The following KIR3DL3 variants were observed in gnomAD, a reference collection of about 807,000 sequenced individuals.
The protein encoded by KIR3DL3 is killer cell immunoglobulin like receptor, three Ig domains and long cytoplasmic tail 3, also known as killer cell immunoglobulin-like receptor 3DL3.
A neutral mutation model predicts 34.9 loss-of-function variants in KIR3DL3; 27 were observed. The ratio of observed to expected loss-of-function variants is 0.77; its 90% confidence interval spans 0.57 to 1.07. The LOEUF (loss-of-function observed/expected upper bound fraction) is 1.07, where lower values mean the gene tolerates loss of function less well. Ranked by LOEUF, KIR3DL3 falls within the 50% of genes least tolerant of loss-of-function variation. The pLI is 0.00. For missense variants in KIR3DL3, 681 were observed against 528.5 expected (o/e 1.29, Z -2.83); for synonymous variants, 217 against 200.2 (o/e 1.08, Z -0.71).
At position 54,727,975 on chromosome 19, in the gene KIR3DL3, A is replaced by G. The variant is rs537906244; in HGVS notation, c.655+65A>G. 1,016 of 1,494,120 alleles carry G rather than the reference A, an allele frequency of 6.8e-4. 27 individuals are homozygous for G. The Admixed American group carries it at 0.02, about 29-fold the overall frequency. 92.6% of individuals were successfully genotyped at this position (1,494,120 alleles called of 1,614,324 possible). A position where few individuals can be genotyped will look rare whatever the true frequency, so the allele number is the denominator to read the frequency against. On this transcript the variant is annotated intron_variant, in intron 4 of 7. Coordinates refer to ENST00000291860, the MANE Select transcript of KIR3DL3 (RefSeq NM_153443.5). ...ATGGAGTGAATGATCTAGGACTGGAAGCCCCAGGTGGTCATGAGGAAGATG... is the reference window on the plus strand; with the variant it reads ...ATGGAGTGAATGATCTAGGACTGGAGGCCCCAGGTGGTCATGAGGAAGATG...
chr19:54,735,781 T>C, intron 6 of KIR3DL3, 39 bp from the exon 7 acceptor site: 1 of 1,605,330 alleles, frequency 6.2e-7, no homozygotes, highest in East Asian at 2.2e-5. Context: ...GACCCAGAAG[T>C]GCCCTCCGAG....
intron 4 of KIR3DL3, among the ~76,000 whole-genome samples, chr19:54,728,378 C>T (rs1165168804): frequency 2.7e-5 from 4 of 147,824 alleles, no homozygotes; most frequent in South Asian, 2.2e-4. Flanking sequence ...CTCTGCCTTC[C>T]GTGCAGTGGA....
At position 54,735,350 on chromosome 19, in the gene KIR3DL3, C is replaced by CA; in HGVS notation, c.1052dup (p.Asn352GlufsTer21). 1.6e-4 allele frequency: 217 copies of CA among 1,361,250 alleles called. No homozygotes were observed. Among genetic ancestry groups the CA allele is most frequent in the Non-Finnish European group, 2.1e-4 (199 of 954,238 alleles). The allele number at this position is 1,361,250 out of a possible 1,614,324, so 84.3% of individuals were successfully genotyped here. A position where few individuals can be genotyped will look rare whatever the true frequency, so the allele number is the denominator to read the frequency against. ...TTCTCCTTCATCGCTGGTGTGCCAACAAAAAGAGTAAGTCTCACGAAGCAG... is the reference window on the plus strand; with the variant it reads ...TTCTCCTTCATCGCTGGTGTGCCAACAAAAAAGAGTAAGTCTCACGAAGCAG... On this transcript the variant is annotated frameshift_variant, in exon 6 of 8. Transcript: ENST00000291860. LOFTEE classifies it high-confidence loss of function.
At chr19:54,731,574 G>A (rs1165028417) in intron 5 of KIR3DL3, among the ~76,000 whole-genome samples, 1 of 151,852 alleles carries the variant, frequency 6.6e-6, no homozygotes, top group South Asian at 2.1e-4. Context: ...ATGAAAACAT[G>A]TTTTTCTTAA....
Position 54,726,290 on chromosome 19 carries a change from C to A in KIR3DL3, c.308C>A (p.Pro103His). 6.2e-7 allele frequency: 1 copy of A among 1,613,930 alleles called. No homozygotes were observed. The highest frequency in any genetic ancestry group is 8.5e-7 in the Non-Finnish European group (1 of 1,179,974). The change falls in exon 3 of 8, where the codon CCC becomes CAC. Residue 103 changes from proline to histidine, a missense_variant. By Grantham distance (77) the Pro-to-His change is moderately conservative (BLOSUM62 -2). Coordinates refer to ENST00000291860, the MANE Select transcript of KIR3DL3 (RefSeq NM_153443.5). ...YRCCSSHPHS[P>H]TGWSAPSNPV... ...TGTTGCAGTTCACACCCACACTCCC[C>A]CACTGGGTGGTCGGCACCCAGCAAC...
In KIR3DL3 at chr19:54,726,196, T is replaced by C. The variant is rs1463433953; in HGVS notation, c.214T>C (p.Tyr72His). ...AGACGGGATGCCTGTCCCTGAGCTC[T>C]ACAACAGAATATTCCGGAACAGCTT... ...KEDGMPVPEL[Y>H]NRIFRNSFLM... Residue 72 changes from tyrosine to histidine, a missense_variant, in exon 3 of 8, where the codon TAC becomes CAC. By Grantham distance (83) the Tyr-to-His change is moderately conservative. Transcript: ENST00000291860. 46 of 1,613,594 alleles carry C rather than the reference T, an allele frequency of 2.9e-5. No individual in the cohort carries two copies. The highest frequency in any genetic ancestry group is 3.6e-5 in the Non-Finnish European group (42 of 1,179,894).
At chr19:54,725,317 C>A in intron 2 of KIR3DL3, 35 bp downstream of exon 2, 1 of 1,515,022 alleles carries the variant, frequency 6.6e-7, no homozygotes, top group Non-Finnish European at 8.9e-7. Flanking sequence ...GTTGTCATCT[C>A]CCCACATAAG....
At chr19:54,732,180 C>T (rs2068873006) in intron 5 of KIR3DL3, among the ~76,000 whole-genome samples, 1 of 151,746 alleles carries the variant, frequency 6.6e-6, no homozygotes, top group African/African-American at 2.4e-5. Context: ...ACAAGGGTAC[C>T]AATAAATGAA....
chr19:54,729,372 G>C, intron 4 of KIR3DL3, 121 bp from the exon 5 acceptor site: 1 of 1,139,306 alleles, frequency 8.8e-7, no homozygotes, highest in East Asian at 2.4e-5. Flanking sequence ...TGGGGGTGGA[G>C]GGTGAGAGAG....
At position 54,736,424 on chromosome 19, in the gene KIR3DL3, A is replaced by G. The variant is rs1287332333; in HGVS notation, c.*328A>G. ...CCCACCTCTCCAACCTAACTGGCTT[A>G]CTTCCTAGTCTACTTGAGGCTGCGA... On this transcript the variant is annotated 3_prime_UTR_variant, in exon 8 of 8. Transcript: ENST00000291860. 9.0e-6 allele frequency: 4 copies of G among 445,424 alleles called. No homozygotes were observed. The highest frequency in any genetic ancestry group is 1.6e-5 in the Non-Finnish European group (4 of 248,164). 27.6% of individuals were successfully genotyped at this position (445,424 alleles called of 1,614,324 possible).
In KIR3DL3 at chr19:54,724,544, G is replaced by T; in HGVS notation, c.34+14G>T. Reference sequence around the variant, plus strand: ...TGGCGTGTGTTGGTGAGTCCTGGAAGGGAATCGAGGGAGGGAGCGCTGGGG... The same window carrying T: ...TGGCGTGTGTTGGTGAGTCCTGGAATGGAATCGAGGGAGGGAGCGCTGGGG... On this transcript the variant is annotated intron_variant, in intron 1 of 7. Coordinates refer to ENST00000291860, the MANE Select transcript of KIR3DL3 (RefSeq NM_153443.5). 2.5e-6 allele frequency: 4 copies of T among 1,608,738 alleles called. No individual in the cohort carries two copies. In the South Asian group the frequency reaches 4.4e-5, roughly 18 times the overall value.
In KIR3DL3 at chr19:54,727,844, G is replaced by T. The variant is rs748448965; in HGVS notation, c.589G>T (p.Gly197Cys). ...CCTTGCAGGGACCTACAGATGCTTT[G>T]GTTCTGTCACTCACTTACCCTATGA... ...PALAGTYRCF[G>C]SVTHLPYELS... The change falls in exon 4 of 8, where the codon GGT (glycine) becomes TGT (cysteine). Residue 197 changes from glycine to cysteine, a missense_variant. Coordinates refer to ENST00000291860, the MANE Select transcript of KIR3DL3 (RefSeq NM_153443.5). 3.1e-6 allele frequency: 5 copies of T among 1,614,042 alleles called. No individual in the cohort carries two copies. Among genetic ancestry groups the T allele is most frequent in the Non-Finnish European group, 2.5e-6 (3 of 1,180,012 alleles).
intron 2 of KIR3DL3, 83 bp downstream of exon 2, chr19:54,725,365 G>A: frequency 1.9e-6 from 2 of 1,032,290 alleles, no homozygotes; most frequent in South Asian, 2.2e-5. Context: ...GACACAGGGG[G>A]TTGACTGATG....
intron 3 of KIR3DL3, among the ~76,000 whole-genome samples, chr19:54,727,371 A>G (rs373763045): frequency 7.6e-6 from 1 of 132,336 alleles, no homozygotes; most frequent in African/African-American, 2.7e-5. Context: ...ACAACAGCCT[A>G]AGAGGTGACA....
intron 6 of KIR3DL3, 53 bp downstream of exon 6, chr19:54,735,410 G>A (rs1169034336): frequency 8.1e-6 from 7 of 867,046 alleles, no homozygotes; most frequent in Admixed American, 3.6e-5. Flanking sequence ...GGGGAAGCAG[G>A]ATGGGAGCAC....
chr19:54,727,551 G>A, intron 3 of KIR3DL3, 60 bp from the exon 4 acceptor site: 1 of 1,496,516 alleles, frequency 6.7e-7, no homozygotes, highest in Non-Finnish European at 9.1e-7. Context: ...ACTTATTTCA[G>A]GTCCCATGAA....
chr19:54,727,788 T>G lies in KIR3DL3; in HGVS notation c.533T>G (p.Val178Gly). The G allele has an allele frequency of 1.2e-6, 2 of 1,613,594 alleles. No individual in the cohort carries two copies. Among genetic ancestry groups the G allele is most frequent in the Non-Finnish European group, 1.7e-6 (2 of 1,179,902 alleles). Residue 178 changes from valine to glycine, a missense_variant, in exon 4 of 8, where the codon GTC (valine) becomes GGC (glycine). Val to Gly is a moderately radical substitution (Grantham distance 109). Coordinates refer to ENST00000291860, the MANE Select transcript of KIR3DL3 (RefSeq NM_153443.5). ...CAGCTCCACGATGCGGGTTCCCAGGTCAACTATTCCATGGGTCCCATGACA... is the reference window on the plus strand; with the variant it reads ...CAGCTCCACGATGCGGGTTCCCAGGGCAACTATTCCATGGGTCCCATGACA... ...VGQLHDAGSQ[V>G]NYSMGPMTPA... is the part of the protein sequence containing the mutation.
chr19:54,729,544 C>T lies in KIR3DL3; in HGVS notation c.707C>T (p.Ala236Val). 6.2e-7 allele frequency: 1 copy of T among 1,607,012 alleles called. No individual in the cohort carries two copies. Among genetic ancestry groups the T allele is most frequent in the Non-Finnish European group, 8.5e-7 (1 of 1,178,480 alleles). ...LSAQPGPTVQAGENVTLSCSS... is the reference protein window; with the variant it reads ...LSAQPGPTVQVGENVTLSCSS... ...GCCCAGCCGGGCCCCACGGTTCAGG[C>T]AGGAGAGAATGTGACCTTGTCCTGC... The change falls in exon 5 of 8, where the codon GCA becomes GTA. Residue 236 changes from alanine to valine, a missense_variant. Physicochemically the swap from Ala to Val is moderately conservative, Grantham distance 64. Transcript: ENST00000291860.
At chr19:54,731,953 G>A (rs1243148648) in intron 5 of KIR3DL3, among the ~76,000 whole-genome samples, 11 of 152,082 alleles carry the variant, frequency 7.2e-5, no homozygotes, top group African/African-American at 7.2e-5. Flanking sequence ...CTCTTTTTAA[G>A]TTCAGCTGAT....
Sources: allele counts gnomAD v4.1 joint callset (sites outside exome capture counted in the v4.1 genomes callset), GRCh38; gene constraint gnomAD v4.1.1; transcripts MANE v1.5; gene names NCBI Gene and HGNC (gene_info 2026-07-23, HGNC 2026-07-21).